Variants in NCALD observed in about 807,000 individuals in gnomAD.
The protein encoded by NCALD is neurocalcin delta.
Under a neutral mutation model 18.6 loss-of-function variants are expected in NCALD, and 10 were observed. The ratio of observed to expected loss-of-function variants is 0.54; its 90% CI spans 0.33 to 0.91. The LOEUF is 0.91. NCALD is among the 40% of genes least tolerant of loss of function. The pLI, the probability that NCALD is intolerant of heterozygous loss-of-function variation, is 0.03. For missense variants in NCALD, 184 were observed against 247.6 expected, an observed-to-expected ratio of 0.74 and a Z score of 1.72; for synonymous variants, 88 against 87.4, an observed-to-expected ratio of 1.01 and a Z score of -0.04.
At chr8:102,078,828 T>A (rs1384211076) in intron 1 of NCALD, among the ~76,000 whole-genome samples, 3 of 152,270 alleles carry the variant, frequency 2.0e-5, no homozygotes, top group Non-Finnish European at 4.4e-5. Flanking sequence ...GAAAGTGCAC[T>A]GTTTATTGAT....
At chr8:101,998,074 C>A (rs1346724967) in intron 2 of NCALD, among the ~76,000 whole-genome samples, 2 of 152,142 alleles carry the variant, frequency 1.3e-5, no homozygotes, top group African/African-American at 4.8e-5. Flanking sequence ...TGCCATCCCT[C>A]CAGGCCCCTT....
At chr8:101,990,519 G>A (rs961346981) in intron 2 of NCALD, among the ~76,000 whole-genome samples, 1 of 152,188 alleles carries the variant, frequency 6.6e-6, no homozygotes, top group Non-Finnish European at 1.5e-5. Context: ...CCGGTAGGAG[G>A]TAATTGAATC....
intron 2 of NCALD, among the ~76,000 whole-genome samples, chr8:101,980,707 A>C (rs1820587952): frequency 5.3e-5 from 8 of 152,242 alleles, no homozygotes; most frequent in Admixed American, 5.2e-4. Context: ...GATAGATTTC[A>C]CCTGAAGACT....
intron 1 of NCALD, among the ~76,000 whole-genome samples, chr8:102,093,058 TGAG>T (rs1025841383): frequency 6.6e-6 from 1 of 151,914 alleles, no homozygotes; most frequent in Admixed American, 6.6e-5. Flanking sequence ...CTCAGGAGGC[TGAG>T]GAGGGAGTAT....
chr8:101,839,173 T>G (rs181109935), intron 4 of NCALD, among the ~76,000 whole-genome samples: 1 of 152,168 alleles, frequency 6.6e-6, no homozygotes, highest in African/African-American at 2.4e-5. Context: ...AAGCTGTATG[T>G]TGAACCACTG....
At chr8:101,958,451 C>T (rs1225741460) in intron 2 of NCALD, among the ~76,000 whole-genome samples, 4 of 152,094 alleles carry the variant, frequency 2.6e-5, no homozygotes, top group African/African-American at 4.8e-5. Context: ...AAGGAGAAAA[C>T]TCCTTGGAGT....
chr8:101,969,797 T>C (rs994539912), intron 2 of NCALD, among the ~76,000 whole-genome samples: 1 of 152,240 alleles, frequency 6.6e-6, no homozygotes, highest in Admixed American at 6.5e-5. Flanking sequence ...GTTTTTGACT[T>C]ACAAAAACAA....
chr8:101,993,206 G>C (rs1429656013), intron 2 of NCALD, among the ~76,000 whole-genome samples: 1 of 151,180 alleles, frequency 6.6e-6, no homozygotes, highest in Non-Finnish European at 1.5e-5. Flanking sequence ...GTGTAGCCCT[G>C]GGCTCATTAC....
Position 102,040,865 on chromosome 8 carries a change from G to A in NCALD, c.-209-20576C>T, listed in dbSNP as rs572408269. 3.9e-5 allele frequency among the ~76,000 whole-genome samples: 6 copies of A among 152,290 alleles called. No individual in the cohort carries two copies. In the South Asian group the frequency reaches 1.2e-3, roughly 32 times the overall value. ...TTCTAGTCAAAGATTACACCACCAA[G>A]CCAATGGGAAGCTCCCTATGCCAGG... On this transcript the variant is annotated intron_variant, in intron 1 of 6. Transcript: ENST00000311028.
chr8:101,785,000 A>G (rs73699959), intron 1 of NCALD, among the ~76,000 whole-genome samples: 2,993 of 152,288 alleles, frequency 0.02, 108 homozygotes, highest in African/African-American at 0.067. Flanking sequence ...ACGGTATTTG[A>G]GGCTCTGCTG....
At chr8:101,690,718 G>A in intron 3 of NCALD, 1 of 985,430 alleles carries the variant, frequency 1.0e-6, no homozygotes, top group Non-Finnish European at 1.2e-6. Flanking sequence ...TTTTTAATTT[G>A]TAGAGCTGAT....
At chr8:101,742,279 T>A (rs898024825) in intron 1 of NCALD, among the ~76,000 whole-genome samples, 3 of 152,104 alleles carry the variant, frequency 2.0e-5, no homozygotes, top group Non-Finnish European at 4.4e-5. Flanking sequence ...CATAATTTTA[T>A]TGAAGAAGAA....
chr8:101,893,387 C>A (rs1464746439), intron 3 of NCALD, among the ~76,000 whole-genome samples: 426 of 151,030 alleles, frequency 2.8e-3, no homozygotes, highest in South Asian at 7.3e-3. Flanking sequence ...AAGGAACAAC[C>A]AGTACCAGCC....
chr8:102,090,208 A>G (rs534025192), intron 1 of NCALD, among the ~76,000 whole-genome samples: 5 of 152,340 alleles, frequency 3.3e-5, no homozygotes, highest in African/African-American at 1.2e-4. Context: ...AGAAACTCCT[A>G]TAATTCTGAT....
intron 1 of NCALD, among the ~76,000 whole-genome samples, chr8:102,110,230 A>T (rs1825598759): frequency 6.6e-6 from 1 of 152,088 alleles, no homozygotes; most frequent in Non-Finnish European, 1.5e-5. Flanking sequence ...TTGAAGGAAA[A>T]TTTTTTTCAT....
At chr8:102,098,076 A>G (rs778541014) in intron 1 of NCALD, among the ~76,000 whole-genome samples, 2 of 152,214 alleles carry the variant, frequency 1.3e-5, no homozygotes, top group Non-Finnish European at 2.9e-5. Flanking sequence ...TTGGGTATGA[A>G]AGGTGGTGGG....
At chr8:101,692,933 AC>A (rs1283189552) in intron 2 of NCALD, 37 bp from the exon 3 acceptor site, 1 of 1,438,488 alleles carries the variant, frequency 7.0e-7, no homozygotes. Flanking sequence ...AGACAGAAAA[AC>A]AGTATGGCAC....
At chr8:101,845,707 G>T (rs1050765281) in intron 4 of NCALD, among the ~76,000 whole-genome samples, 1 of 152,114 alleles carries the variant, frequency 6.6e-6, no homozygotes, top group Non-Finnish European at 1.5e-5. Context: ...TAGCTATTTT[G>T]AAATATACAG....
intron 1 of NCALD, among the ~76,000 whole-genome samples, chr8:102,101,266 G>C (rs537966986): frequency 6.6e-6 from 1 of 152,146 alleles, no homozygotes; most frequent in South Asian, 2.1e-4. Flanking sequence ...ATTATATGTG[G>C]ATATTATGAT....
Sources: allele counts gnomAD v4.1 joint callset (sites outside exome capture counted in the v4.1 genomes callset), GRCh38; gene constraint gnomAD v4.1.1; transcripts MANE v1.5; gene names NCBI Gene and HGNC (gene_info 2026-07-23, HGNC 2026-07-21).